The following MAP1S variants were observed in gnomAD, a reference collection of about 807,000 sequenced individuals.
MAP1S encodes microtubule-associated protein 1S.
In MAP1S, 27 loss-of-function variants were observed where a neutral mutation model predicts 60.9. That is an observed-to-expected ratio of 0.44 (90% confidence interval 0.33 to 0.61). MAP1S has a LOEUF of 0.61. Ranked by LOEUF, MAP1S falls within the 20% of genes least tolerant of loss-of-function variation. The pLI, the probability that MAP1S is intolerant of heterozygous loss-of-function variation, is 0.03. For synonymous variants in MAP1S, 826 were observed against 694.2 expected (o/e 1.19, Z -2.98); for missense variants, 1,608 against 1,486.6 (o/e 1.08, Z -1.34).
Position 17,721,109 on chromosome 19 carries a change from T to TG in MAP1S, c.220+78dup, listed in dbSNP as rs1350489495. 17 of 1,180,818 alleles carry TG rather than the reference T, an allele frequency of 1.4e-5. No homozygotes were observed. The Middle Eastern group carries it at 1.1e-3, about 80-fold the overall frequency. 73.1% of individuals were successfully genotyped at this position (1,180,818 alleles called of 1,614,324 possible). On this transcript the variant is annotated intron_variant, in intron 2 of 6. Coordinates refer to ENST00000324096, the MANE Select transcript of MAP1S (RefSeq NM_018174.6). Reference sequence around the variant, plus strand: ...GGAAGTGCCAGCCGTGTGCCAGGCATGGGGGGTGGGATGCAGCTATAAATA... The same window carrying TG: ...GGAAGTGCCAGCCGTGTGCCAGGCATGGGGGGGTGGGATGCAGCTATAAATA...
Position 17,726,764 on chromosome 19 carries a change from G to T in MAP1S, c.1380G>T (p.Thr460=), listed in dbSNP as rs375973930. Residue 460 remains threonine, a synonymous_variant, in exon 5 of 7, where the codon ACG becomes ACT. Transcript: ENST00000324096. ...GGTTCCTGCGAGAGCCCGTGGTGAC[G>T]CCCCAGGACCTGGAGGGGCCGGGGC... ...HLRFLREPVV[T]PQDLEGPGRA... 1 of 1,561,084 alleles carries T rather than the reference G, an allele frequency of 6.4e-7. No homozygotes were observed. Among genetic ancestry groups the T allele is most frequent in the Non-Finnish European group, 8.6e-7 (1 of 1,156,726 alleles).
In MAP1S at chr19:17,727,834, G is replaced by C; in HGVS notation, c.2450G>C (p.Gly817Ala). The change falls in exon 5 of 7, where the codon GGA (glycine) becomes GCA (alanine). Residue 817 changes from glycine (G) to alanine (A), a missense_variant. By Grantham distance (60) the Gly-to-Ala change is moderately conservative (BLOSUM62 0). This residue lies in a region of MAP1S where 1,167 missense variants were observed against 961.4 expected (regional missense o/e 1.21). Coordinates refer to ENST00000324096, the MANE Select transcript of MAP1S (RefSeq NM_018174.6). This position sits in a 1 kb window ranked among gnomAD's most constrained non-coding sequence, Gnocchi z 4.1. Reference sequence around the variant, plus strand: ...TCAGACGAAGACACAGAGGGCTTTGGAGTCCCTCGCCACGACCCTTTGCCT... The same window carrying C: ...TCAGACGAAGACACAGAGGGCTTTGCAGTCCCTCGCCACGACCCTTTGCCT... ...ADSDEDTEGF[G>A]VPRHDPLPDP... 2 of 1,613,456 alleles carry C rather than the reference G, an allele frequency of 1.2e-6. No homozygotes were observed. Among genetic ancestry groups the C allele is most frequent in the South Asian group, 1.1e-5 (1 of 91,062 alleles).
Position 17,726,024 on chromosome 19 carries a change from G to A in MAP1S, c.640G>A (p.Val214Met), listed in dbSNP as rs1029108265. 1.2e-6 allele frequency: 2 copies of A among 1,612,898 alleles called. No homozygotes were observed. The highest frequency in any genetic ancestry group is 1.3e-5 in the African/African-American group (1 of 74,896). The change falls in exon 5 of 7, where the codon GTG becomes ATG. Residue 214 changes from valine (V) to methionine (M), a missense_variant. By Grantham distance (21) the Val-to-Met change is conservative. Coordinates refer to ENST00000324096, the MANE Select transcript of MAP1S (RefSeq NM_018174.6). ...GGGCCTGTGCGAATTCCTGGAGTAC[G>A]TGGCTGAGTCTCTGGAGCCACCGTC... ...SEGLCEFLEY[V>M]AESLEPPSPF...
chr19:17,729,788 A>G (rs1405690829), intron 5 of MAP1S, among the ~76,000 whole-genome samples: 4 of 151,966 alleles, frequency 2.6e-5, no homozygotes, highest in African/African-American at 7.3e-5. Flanking sequence ...TCAGCCTCCC[A>G]AGTAGCTGAG....
rs2145974280 is a variant in MAP1S, at chr19:17,725,825, A to G, written c.445-4A>G. The G allele has an allele frequency of 6.2e-7, 1 of 1,608,788 alleles. No individual in the cohort carries two copies. The highest frequency in any genetic ancestry group is 8.5e-7 in the Non-Finnish European group (1 of 1,177,998). On this transcript the variant is annotated splice_region_variant and splice_polypyrimidine_tract_variant and intron_variant, in intron 4 of 6. Coordinates refer to ENST00000324096, the MANE Select transcript of MAP1S (RefSeq NM_018174.6). This position sits in a 1 kb window ranked among gnomAD's most constrained non-coding sequence, Gnocchi z 4.2. ...TGGTCCCTTACCACTCCTCCTCCATACAGATCCGGGACATCCTGGCCACCA... is the reference window on the plus strand; with the variant it reads ...TGGTCCCTTACCACTCCTCCTCCATGCAGATCCGGGACATCCTGGCCACCA...
At chr19:17,721,668 G>A (rs1463268689) in intron 2 of MAP1S, among the ~76,000 whole-genome samples, 6 of 152,134 alleles carry the variant, frequency 3.9e-5, no homozygotes, top group African/African-American at 1.4e-4. Context: ...GAGTGGGAGG[G>A]ACTCTGTCTC....
Position 17,727,727 on chromosome 19 carries a change from G to C in MAP1S, c.2343G>C (p.Glu781Asp). 2.5e-6 allele frequency: 4 copies of C among 1,606,420 alleles called. No individual in the cohort carries two copies. The highest frequency in any genetic ancestry group is 3.4e-6 in the Non-Finnish European group (4 of 1,176,590). ...GGGCAGGTGGGCTGGGGGCCGAGGA[G>C]ACGCCACCCACATCGGTCAGCGAGT... ...QERAGGLGAE[E>D]TPPTSVSESL... The change falls in exon 5 of 7, where the codon GAG becomes GAC. Residue 781 changes from glutamate (E) to aspartate (D), a missense_variant. Glu to Asp is a conservative substitution (Grantham distance 45). Coordinates refer to ENST00000324096, the MANE Select transcript of MAP1S (RefSeq NM_018174.6). This position sits in a 1 kb window ranked among gnomAD's most constrained non-coding sequence, Gnocchi z 4.1.
rs927727934 is a variant in MAP1S at position 17,727,932 on chromosome 19, C to G, written c.2548C>G (p.Pro850Ala). 1.2e-6 allele frequency: 2 copies of G among 1,609,546 alleles called. No homozygotes were observed. The highest frequency in any genetic ancestry group is 1.7e-6 in the Non-Finnish European group (2 of 1,177,936). ...CATGGTGGACCCCGAGATGCTGCCC[C>G]CCAAGACAGCACGGCAAACGGAGAA... ...ICMVDPEMLPPKTARQTENVS... is the reference protein window; with the variant it reads ...ICMVDPEMLPAKTARQTENVS... The change falls in exon 5 of 7, where the codon CCC (proline) becomes GCC (alanine). Residue 850 changes from proline (P) to alanine (A), a missense_variant. Transcript: ENST00000324096. This position sits in a 1 kb window ranked among gnomAD's most constrained non-coding sequence, Gnocchi z 4.1.
intron 5 of MAP1S, among the ~76,000 whole-genome samples, chr19:17,732,295 G>A (rs1036570653): frequency 1.3e-5 from 2 of 152,112 alleles, no homozygotes; most frequent in Non-Finnish European, 2.9e-5. Context: ...TGTCCATTTC[G>A]GCTGAGGGTA....
chr19:17,730,945 T>C (rs1368379441), intron 5 of MAP1S, among the ~76,000 whole-genome samples: 1 of 150,890 alleles, frequency 6.6e-6, no homozygotes, highest in African/African-American at 2.4e-5. Flanking sequence ...GGCTGCAGCA[T>C]GGGAGCACTA....
chr19:17,720,838 G>T, intron 1 of MAP1S, 98 bp from the exon 2 acceptor site: 2 of 902,984 alleles, frequency 2.2e-6, no homozygotes, highest in Admixed American at 1.7e-5. Context: ...AAGGGAGGAG[G>T]CTGGGGCGCT....
chr19:17,728,783 G>A (rs552391124), intron 5 of MAP1S: 12 of 151,668 alleles, frequency 7.9e-5, no homozygotes, highest in African/African-American at 2.9e-4. Context: ...CTCGAACTCC[G>A]GACCTCAGGT....
chr19:17,720,147 T>A, intron 1 of MAP1S: 1 of 1,301,700 alleles, frequency 7.7e-7, no homozygotes. Flanking sequence ...ATTTGGCACC[T>A]AGGGAGGTGA....
At position 17,725,870 on chromosome 19, in the gene MAP1S, G is replaced by A. The variant is rs771968962; in HGVS notation, c.486G>A (p.Pro162=). ...CCACCACGCCCCCACCTGTGCAGCCGCCCATACTCACCATCACCTGCCCCA... is the reference window on the plus strand; with the variant it reads ...CCACCACGCCCCCACCTGTGCAGCCACCCATACTCACCATCACCTGCCCCA... ...ILATTPPPVQ[P]PILTITCPTF... The change falls in exon 5 of 7, where the codon CCG becomes CCA. Residue 162 remains proline (P), a synonymous_variant. Transcript: ENST00000324096. The surrounding 1 kb of genome is among the most constrained non-coding windows in gnomAD (Gnocchi z 4.2). 2 of 1,613,348 alleles carry A rather than the reference G, an allele frequency of 1.2e-6. No homozygotes were observed. Among genetic ancestry groups the A allele is most frequent in the South Asian group, 1.1e-5 (1 of 91,050 alleles).
Position 17,720,676 on chromosome 19 carries a change from A to G in MAP1S, c.119-260A>G, listed in dbSNP as rs567416216. The G allele has an allele frequency of 1.6e-4, 102 of 647,758 alleles. No individual in the cohort carries two copies. In the East Asian group the frequency reaches 2.7e-3, roughly 17 times the overall value. The allele number at this position is 647,758 out of a possible 1,614,324, so 40.1% of individuals were successfully genotyped here. The stretch of plus-strand genomic sequence containing the variant: ...AGTGGAAACGGGTCTGGCAGGGCAT[A>G]GGAGCAGCGAGGAGGTGGAGATGGA... On this transcript the variant is annotated intron_variant, in intron 1 of 6. Transcript: ENST00000324096.
intron 5 of MAP1S, 90 bp downstream of exon 5, chr19:17,728,262 T>C: frequency 1.5e-6 from 2 of 1,367,612 alleles, no homozygotes; most frequent in South Asian, 3.1e-5. Flanking sequence ...ATTTTCAGTT[T>C]TTTTAAAAGA....
chr19:17,722,937 T>G (rs528093766), intron 2 of MAP1S, among the ~76,000 whole-genome samples: 98 of 152,310 alleles, frequency 6.4e-4, no homozygotes, highest in African/African-American at 2.2e-3. Flanking sequence ...CTCTCAAGAC[T>G]CAGCCTTGTT....
In MAP1S at chr19:17,727,159, G is replaced by C. The variant is rs753453364; in HGVS notation, c.1775G>C (p.Ser592Thr). ...CCCAGCCTCCGATGTGGAGAAGCCA[G>C]CCCCCCCAGTGCAGCCTGCGGCTCT... ...SPPSLRCGEASPPSAACGSPA... is the reference protein window; with the variant it reads ...SPPSLRCGEATPPSAACGSPA... Residue 592 changes from serine to threonine, a missense_variant, in exon 5 of 7, where the codon AGC (serine) becomes ACC (threonine). Ser to Thr is a moderately conservative substitution (Grantham distance 58, BLOSUM62 1). This residue lies in a region of MAP1S where 1,167 missense variants were observed against 961.4 expected (regional missense o/e 1.21). Coordinates refer to ENST00000324096, the MANE Select transcript of MAP1S (RefSeq NM_018174.6). The surrounding 1 kb of genome is among the most constrained non-coding windows in gnomAD (Gnocchi z 4.1). 2.0e-5 allele frequency: 31 copies of C among 1,588,150 alleles called. No homozygotes were observed. The South Asian group carries it at 2.7e-4, about 14-fold the overall frequency.
At position 17,727,498 on chromosome 19, in the gene MAP1S, T is replaced by G; in HGVS notation, c.2114T>G (p.Val705Gly). The G allele has an allele frequency of 6.2e-7, 1 of 1,610,974 alleles. No individual in the cohort carries two copies. The highest frequency in any genetic ancestry group is 8.5e-7 in the Non-Finnish European group (1 of 1,179,274). Residue 705 changes from valine (V) to glycine (G), a missense_variant, in exon 5 of 7, where the codon GTG becomes GGG. Val to Gly is a moderately radical substitution (Grantham distance 109). Transcript: ENST00000324096. The surrounding 1 kb of genome is among the most constrained non-coding windows in gnomAD (Gnocchi z 4.1). Reference sequence around the variant, plus strand: ...TCCCTGTCGGTGTCCTTTGAGCAGGTGCTGCCGCCATCCGCCCCCACCAGT... The same window carrying G: ...TCCCTGTCGGTGTCCTTTGAGCAGGGGCTGCCGCCATCCGCCCCCACCAGT... The part of the protein sequence containing the change: ...DESLSVSFEQ[V>G]LPPSAPTSEA...
Sources: gnomAD v4.1 joint callset for allele counts (sites outside exome capture counted in the v4.1 genomes callset) on GRCh38, gnomAD v4.1.1 for gene constraint, gnomAD v4.1.1 regional missense constraint, Gnocchi (gnomAD v3.1) non-coding constraint, MANE v1.5 for transcripts, NCBI Gene and HGNC (gene_info 2026-07-23, HGNC 2026-07-21) for gene names.